The following NAALADL2 variants were observed in gnomAD, a reference collection of about 807,000 sequenced individuals.
NAALADL2 encodes inactive N-acetylated-alpha-linked acidic dipeptidase-like protein 2.
A neutral mutation model predicts 87.2 loss-of-function variants in NAALADL2; 76 were observed. The ratio of observed to expected loss-of-function variants is 0.87; its 90% CI spans 0.72 to 1.05. NAALADL2 has a LOEUF of 1.05. Among genes scored for constraint, NAALADL2 ranks in the 50% least tolerant of loss-of-function variants. NAALADL2 has a pLI of 0.00. For synonymous variants in NAALADL2, 354 were observed against 331.0 expected (o/e 1.07, Z -0.75); for missense variants, 1,089 against 945.8 (o/e 1.15, Z -1.99).
At chr3:175,799,129 AT>A (rs1187911039) in intron 13 of NAALADL2, among the ~76,000 whole-genome samples, 6 of 152,080 alleles carry the variant, frequency 3.9e-5, no homozygotes, top group Non-Finnish European at 1.5e-5. Flanking sequence ...GTTTGATACA[AT>A]TTTAAAAATA....
intron 3 of NAALADL2, among the ~76,000 whole-genome samples, chr3:174,781,496 T>C (rs1199305054): frequency 3.3e-5 from 5 of 151,616 alleles, no homozygotes; most frequent in Non-Finnish European, 7.4e-5. Context: ...TGACCTGATA[T>C]TATGTAGACA....
intron 1 of NAALADL2, among the ~76,000 whole-genome samples, chr3:175,010,542 C>T (rs1749646073): frequency 1.3e-5 from 2 of 152,126 alleles, no homozygotes; most frequent in African/African-American, 2.4e-5. Flanking sequence ...TATTTTCTCT[C>T]TGAAATTAAG....
intron 2 of NAALADL2, among the ~76,000 whole-genome samples, chr3:175,165,279 G>C (rs1013090157): frequency 6.6e-6 from 1 of 152,112 alleles, no homozygotes; most frequent in African/African-American, 2.4e-5. Flanking sequence ...AACTTCTTGA[G>C]AGCAGATTTT....
At chr3:174,859,234 A>G, upstream of NAALADL2, 1 of 597,316 alleles carries the variant, frequency 1.7e-6, no homozygotes, top group Admixed American at 2.9e-5. Context: ...ACTTCATAGT[A>G]AAACAGGTCC....
At chr3:175,368,442 T>G (rs997539210) in intron 5 of NAALADL2, among the ~76,000 whole-genome samples, 1 of 152,152 alleles carries the variant, frequency 6.6e-6, no homozygotes, top group Admixed American at 6.6e-5. Context: ...TACCAGTTCC[T>G]CCTTGTACCT....
intron 1 of NAALADL2, among the ~76,000 whole-genome samples, chr3:174,469,525 T>C (rs1370193721): frequency 6.6e-6 from 1 of 151,772 alleles, no homozygotes; most frequent in African/African-American, 2.4e-5. Context: ...GCCTCCTGGG[T>C]TCACGCCATT....
At chr3:174,841,911 G>C (rs1312735108) in intron 3 of NAALADL2, among the ~76,000 whole-genome samples, 1 of 152,038 alleles carries the variant, frequency 6.6e-6, no homozygotes, top group Non-Finnish European at 1.5e-5. Flanking sequence ...TTCCTCTTGA[G>C]GGGTTTTTGC....
chr3:174,562,043 C>A (rs1183927101), intron 2 of NAALADL2, among the ~76,000 whole-genome samples: 1 of 151,982 alleles, frequency 6.6e-6, no homozygotes, highest in East Asian at 1.9e-4. Flanking sequence ...AAAGAACCTA[C>A]TAAATTATTT....
At chr3:175,127,037 C>T (rs1727074509) in intron 2 of NAALADL2, among the ~76,000 whole-genome samples, 1 of 151,802 alleles carries the variant, frequency 6.6e-6, no homozygotes, top group Non-Finnish European at 1.5e-5. Flanking sequence ...CTGAAATCGC[C>T]CTGAGGAACC....
chr3:174,646,259 G>A (rs746000175), intron 2 of NAALADL2, among the ~76,000 whole-genome samples: 1 of 152,050 alleles, frequency 6.6e-6, no homozygotes, highest in Non-Finnish European at 1.5e-5. Context: ...TTCTGGTATG[G>A]CTTTGAAATC....
chr3:174,809,368 T>C (rs1053412383), intron 3 of NAALADL2, among the ~76,000 whole-genome samples: 8 of 152,146 alleles, frequency 5.3e-5, no homozygotes, highest in East Asian at 1.9e-4. Flanking sequence ...AACTTTTGTA[T>C]AAAGTATTCA....
chr3:175,790,120 C>G (rs771892103), intron 13 of NAALADL2, among the ~76,000 whole-genome samples: 2 of 152,060 alleles, frequency 1.3e-5, no homozygotes, highest in Non-Finnish European at 1.5e-5. Flanking sequence ...TAATTATGAC[C>G]TTTTTCTCTT....
chr3:175,743,464 G>A (rs1745521414), intron 12 of NAALADL2, among the ~76,000 whole-genome samples: 1 of 152,176 alleles, frequency 6.6e-6, no homozygotes, highest in African/African-American at 2.4e-5. Flanking sequence ...GTTTAACCAG[G>A]GCTAGACCTT....
At chr3:175,231,248 A>C (rs916275976) in intron 2 of NAALADL2, among the ~76,000 whole-genome samples, 3 of 151,976 alleles carry the variant, frequency 2.0e-5, no homozygotes, top group Non-Finnish European at 4.4e-5. Flanking sequence ...AAGTGATTGA[A>C]TAGAGAAAAA....
chr3:175,082,012 T>TTC (rs1006966607), intron 1 of NAALADL2, among the ~76,000 whole-genome samples: 1 of 151,644 alleles, frequency 6.6e-6, no homozygotes, highest in South Asian at 2.1e-4. Context: ...ACCACTGTCA[T>TTC]TCTCTCTCTC....
At chr3:174,653,941 GA>G (rs554584115) in intron 2 of NAALADL2, among the ~76,000 whole-genome samples, 410 of 152,088 alleles carry the variant, frequency 2.7e-3, no homozygotes, top group African/African-American at 9.6e-3. Flanking sequence ...GAAATGCATT[GA>G]AAACACAAAT....
chr3:174,961,664 A>G (rs564155919), intron 1 of NAALADL2, among the ~76,000 whole-genome samples: 1 of 152,060 alleles, frequency 6.6e-6, no homozygotes, highest in Non-Finnish European at 1.5e-5. Flanking sequence ...TAGCGGCACT[A>G]CTAGGATTAT....
Position 174,689,330 on chromosome 3 carries a change from A to G in NAALADL2, c.-114-48311A>G, listed in dbSNP as rs190074509. On this transcript the variant is annotated intron_variant, in intron 2 of 3. Coordinates refer to the NAALADL2 transcript ENST00000434257. ...TTAATTGAAATAGCCCTCAGCCATC[A>G]AGAGCCACAAGAATACCAATTGTTT... 1.1e-4 allele frequency among the ~76,000 whole-genome samples: 16 copies of G among 151,888 alleles called. No homozygotes were observed. In the East Asian group the frequency reaches 2.1e-3, roughly 20 times the overall value.
intron 3 of NAALADL2, among the ~76,000 whole-genome samples, chr3:174,752,165 C>T (rs1326458096): frequency 6.6e-6 from 1 of 151,870 alleles, no homozygotes; most frequent in Non-Finnish European, 1.5e-5. Flanking sequence ...TCAGTAGAGA[C>T]AGGGTTTCAC....
Sources: allele counts gnomAD v4.1 joint callset (sites outside exome capture counted in the v4.1 genomes callset), GRCh38; gene constraint gnomAD v4.1.1; transcripts MANE v1.5; gene names NCBI Gene and HGNC (gene_info 2026-07-23, HGNC 2026-07-21).